Variants in ANKFN1 observed in about 807,000 individuals in gnomAD.
ANKFN1 encodes the protein ankyrin repeat and fibronectin type III domain containing 1, also known as ankyrin repeat and fibronectin type-III domain-containing protein 1.
In ANKFN1, 74 loss-of-function variants were observed where a neutral mutation model predicts 108.7. The observed-to-expected ratio is 0.68, with a 90% CI of 0.56 to 0.83. The LOEUF (loss-of-function observed/expected upper bound fraction) is 0.83, where lower values mean the gene tolerates loss of function less well. Ranked by LOEUF, ANKFN1 falls within the 40% of genes least tolerant of loss-of-function variation. The pLI is 0.00. For missense variants in ANKFN1, 1,505 were observed against 1,382.3 expected, an observed-to-expected ratio of 1.09 and a Z score of -1.41; for synonymous variants, 547 against 516.2, an observed-to-expected ratio of 1.06 and a Z score of -0.81.
At chr17:56,154,535 G>T (rs1483877329) in intron 1 of ANKFN1, among the ~76,000 whole-genome samples, 2 of 151,176 alleles carry the variant, frequency 1.3e-5, no homozygotes, top group African/African-American at 4.9e-5. Context: ...CACATCCAGA[G>T]TGAGGCCTAA....
chr17:56,070,956 G>A (rs1177978960), intron 4 of ANKFN1, among the ~76,000 whole-genome samples: 1 of 151,618 alleles, frequency 6.6e-6, no homozygotes, highest in Non-Finnish European at 1.5e-5. Flanking sequence ...GGATGGTCTC[G>A]ATCTCTCGAC....
At chr17:56,252,562 G>A (rs2043258420) in intron 3 of ANKFN1, among the ~76,000 whole-genome samples, 1 of 151,692 alleles carries the variant, frequency 6.6e-6, no homozygotes, top group Non-Finnish European at 1.5e-5. Context: ...GATCACTTGA[G>A]GTCAAGAGTT....
At chr17:56,293,182 T>G (rs2044410250) in intron 3 of ANKFN1, among the ~76,000 whole-genome samples, 1 of 152,248 alleles carries the variant, frequency 6.6e-6, no homozygotes, top group Non-Finnish European at 1.5e-5. Flanking sequence ...AATTCACATT[T>G]TATTCATTCA....
intron 4 of ANKFN1, among the ~76,000 whole-genome samples, chr17:56,114,571 G>A (rs1161157106): frequency 6.6e-6 from 1 of 152,160 alleles, no homozygotes; most frequent in Non-Finnish European, 1.5e-5. Context: ...AGTGTGAGGG[G>A]TGAGAAATTA....
At chr17:56,111,918 C>T (rs1905987401) in intron 4 of ANKFN1, among the ~76,000 whole-genome samples, 1 of 152,106 alleles carries the variant, frequency 6.6e-6, no homozygotes, top group Non-Finnish European at 1.5e-5. Flanking sequence ...GAACCAAGGA[C>T]AAAAATGGTA....
intron 3 of ANKFN1, among the ~76,000 whole-genome samples, chr17:56,236,101 A>C (rs906480518): frequency 6.6e-6 from 1 of 151,552 alleles, no homozygotes; most frequent in Non-Finnish European, 1.5e-5. Context: ...TCTGTCACCC[A>C]GGCTGGAGTG....
upstream of ANKFN1, among the ~76,000 whole-genome samples, chr17:56,151,564 T>A (rs1908611280): frequency 6.6e-6 from 1 of 152,086 alleles, no homozygotes; most frequent in Admixed American, 6.5e-5. Flanking sequence ...TGGGGCCTCT[T>A]TAGAGTAGAT....
chr17:56,164,064 T>G (rs1909928300), intron 1 of ANKFN1, among the ~76,000 whole-genome samples: 1 of 152,146 alleles, frequency 6.6e-6, no homozygotes, highest in Non-Finnish European at 1.5e-5. Context: ...ACAGTAAAAA[T>G]GTGGACCCCC....
intron 8 of ANKFN1, among the ~76,000 whole-genome samples, chr17:56,436,182 G>A (rs1445930347): frequency 6.6e-6 from 1 of 152,056 alleles, no homozygotes; most frequent in African/African-American, 2.4e-5. Flanking sequence ...TTAAAGTTTT[G>A]TTAAAATAAC....
intron 3 of ANKFN1, among the ~76,000 whole-genome samples, chr17:56,279,773 T>C (rs1250580788): frequency 6.6e-6 from 1 of 152,166 alleles, no homozygotes; most frequent in African/African-American, 2.4e-5. Flanking sequence ...GAACAAAATA[T>C]TCATATGACA....
At chr17:56,055,566 C>CACATATATATATATATATATAT (rs1555588767) in intron 4 of ANKFN1, among the ~76,000 whole-genome samples, 2 of 47,442 alleles carry the variant, frequency 4.2e-5, no homozygotes, top group African/African-American at 2.6e-4. Flanking sequence ...GGTATATATA[C>CACATATATATATATATATATAT]ATATATATAT....
chr17:56,167,952 G>C (rs139463142), intron 1 of ANKFN1, among the ~76,000 whole-genome samples: 34 of 152,310 alleles, frequency 2.2e-4, no homozygotes, highest in African/African-American at 7.9e-4. Flanking sequence ...AGGGGAACCA[G>C]ATGTCAGTGA....
chr17:56,464,093 T>C (rs930457166), intron 14 of ANKFN1, among the ~76,000 whole-genome samples: 54 of 152,360 alleles, frequency 3.5e-4, no homozygotes, highest in African/African-American at 1.3e-3. Flanking sequence ...TTCTCCCTCA[T>C]GGAAGATGGT....
Position 56,170,778 on chromosome 17 carries a change from A to T in ANKFN1, c.-71+17248A>T, listed in dbSNP as rs1291199180. Among the ~76,000 whole-genome samples the T allele has an allele frequency of 6.7e-4, 46 of 68,850 alleles. 1 individual carries two copies. The highest frequency in any genetic ancestry group is 6.2e-3 in the Middle Eastern group (1 of 162). The allele number at this position is 68,850 out of a possible 152,430, so 45.2% of individuals were successfully genotyped here. ...ACTCTGTCAAGAAAAAATTTTTTATATATATATATATATATATATATATAT... is the reference window on the plus strand; with the variant it reads ...ACTCTGTCAAGAAAAAATTTTTTATTTATATATATATATATATATATATAT... On this transcript the variant is annotated intron_variant, in intron 1 of 20. Transcript: ENST00000682825.
chr17:56,153,522 C>T lies in ANKFN1; in HGVS notation c.-79C>T, dbSNP rs772466856. ...TCCTGTGTCTCTCATGGAGGCGTCT[C>T]TAACCAGGGTAGGAAAACAATAGTT... On this transcript the variant is annotated 5_prime_UTR_variant, in exon 1 of 21. Transcript: ENST00000682825. The T allele has an allele frequency of 1.5e-5, 25 of 1,614,004 alleles. No homozygotes were observed. Among genetic ancestry groups the T allele is most frequent in the South Asian group, 2.2e-5 (2 of 91,086 alleles).
At chr17:56,094,697 T>G (rs926065705) in intron 4 of ANKFN1, among the ~76,000 whole-genome samples, 3 of 147,686 alleles carry the variant, frequency 2.0e-5, no homozygotes, top group Non-Finnish European at 4.5e-5. Context: ...TTTTTTTGTA[T>G]TTTTAGTAGA....
chr17:56,142,750 G>A (rs1292903251), intron 4 of ANKFN1, among the ~76,000 whole-genome samples: 2 of 152,134 alleles, frequency 1.3e-5, no homozygotes, highest in Admixed American at 1.3e-4. Context: ...TGAGCTATTT[G>A]GCTTTGATAC....
At chr17:56,432,746 C>T (rs1286230594) in intron 8 of ANKFN1, among the ~76,000 whole-genome samples, 1 of 152,220 alleles carries the variant, frequency 6.6e-6, no homozygotes, top group Non-Finnish European at 1.5e-5. Context: ...GGTAACTGAC[C>T]TTCTGCCCCA....
intron 3 of ANKFN1, among the ~76,000 whole-genome samples, chr17:56,261,708 C>A (rs2043515571): frequency 6.6e-6 from 1 of 152,182 alleles, no homozygotes; most frequent in Non-Finnish European, 1.5e-5. Flanking sequence ...CCAGTCTAGT[C>A]CTTCCACGTT....
Sources: gnomAD v4.1 joint callset for allele counts (sites outside exome capture counted in the v4.1 genomes callset) on GRCh38, gnomAD v4.1.1 for gene constraint, MANE v1.5 for transcripts, NCBI Gene and HGNC (gene_info 2026-07-23, HGNC 2026-07-21) for gene names.